The following IKZF2 variants were observed in gnomAD, a reference collection of about 807,000 sequenced individuals.
IKZF2 encodes the protein zinc finger protein Helios.
IKZF2 carries 15 observed loss-of-function variants against 49.2 expected under a neutral mutation model. The observed-to-expected ratio is 0.30, with a 90% CI of 0.20 to 0.47. The LOEUF (loss-of-function observed/expected upper bound fraction) is 0.47. Among genes scored for constraint, IKZF2 ranks in the 20% least tolerant of loss-of-function variants. The probability of loss-of-function intolerance (pLI) is 1.00; values close to 1 mark genes in which losing one functional copy is unlikely to be tolerated. For missense variants in IKZF2, 567 were observed against 664.6 expected, an observed-to-expected ratio of 0.85 and a Z score of 1.61; for synonymous variants, 227 against 221.4, an observed-to-expected ratio of 1.03 and a Z score of -0.23.
chr2:213,130,279 C>A (rs2060432349), intron 4 of IKZF2, among the ~76,000 whole-genome samples: 1 of 152,170 alleles, frequency 6.6e-6, no homozygotes, highest in Non-Finnish European at 1.5e-5. Context: ...AAGCTAGGGT[C>A]TCTCACAGGC....
chr2:213,111,172 T>C (rs1288886336), intron 4 of IKZF2, among the ~76,000 whole-genome samples: 1 of 152,058 alleles, frequency 6.6e-6, no homozygotes, highest in Non-Finnish European at 1.5e-5. Context: ...TTGAATTTTA[T>C]TAAAAAGAGC....
chr2:213,086,743 G>A (rs1282031465), intron 4 of IKZF2, among the ~76,000 whole-genome samples: 5 of 152,114 alleles, frequency 3.3e-5, no homozygotes, highest in Admixed American at 1.3e-4. Flanking sequence ...TTTTAGGAAT[G>A]GGTAAAGGAA....
rs186363141 is a variant in IKZF2 at position 213,045,086 on chromosome 2, C to T, written c.574+4627G>A. Among the ~76,000 whole-genome samples, 38 of 152,294 alleles carry T rather than the reference C, an allele frequency of 2.5e-4. No individual in the cohort carries two copies. In the East Asian group the frequency reaches 7.1e-3, roughly 29 times the overall value. On this transcript the variant is annotated intron_variant, in intron 6 of 8. Coordinates refer to ENST00000434687, the MANE Select transcript of IKZF2 (RefSeq NM_001387220.1). ...GGCTAGTGGCTACCATATTGGACAGCGTAGCCCTACAACTATCACCTCTCC... is the reference window on the plus strand; with the variant it reads ...GGCTAGTGGCTACCATATTGGACAGTGTAGCCCTACAACTATCACCTCTCC...
chr2:213,116,226 T>C (rs1559294027), intron 4 of IKZF2, among the ~76,000 whole-genome samples: 1 of 152,242 alleles, frequency 6.6e-6, no homozygotes, highest in Non-Finnish European at 1.5e-5. Context: ...AATTATAATG[T>C]ATGTATGTGC....
chr2:213,025,719 T>C (rs1697748850), intron 6 of IKZF2, among the ~76,000 whole-genome samples: 1 of 152,076 alleles, frequency 6.6e-6, no homozygotes, highest in Non-Finnish European at 1.5e-5. Flanking sequence ...ACATTCAAGA[T>C]ACCCAAAACT....
chr2:213,125,310 T>C (rs963979000), intron 4 of IKZF2, among the ~76,000 whole-genome samples: 7 of 152,316 alleles, frequency 4.6e-5, no homozygotes, highest in Non-Finnish European at 1.0e-4. Context: ...TAGTTCCTAA[T>C]AGAGTTTTTA....
chr2:213,054,527 A>G (rs1177633560), intron 5 of IKZF2, among the ~76,000 whole-genome samples: 3 of 152,174 alleles, frequency 2.0e-5, no homozygotes, highest in Admixed American at 1.3e-4. Flanking sequence ...ATGGCAGGAC[A>G]CACTCAGATG....
intron 5 of IKZF2, among the ~76,000 whole-genome samples, chr2:213,052,365 A>T (rs888655878): frequency 6.6e-6 from 1 of 151,998 alleles, no homozygotes; most frequent in Non-Finnish European, 1.5e-5. Flanking sequence ...TTTTTTGGTA[A>T]GAGAAAAGGG....
At chr2:213,135,424 C>A (rs2060620816) in intron 4 of IKZF2, among the ~76,000 whole-genome samples, 1 of 152,156 alleles carries the variant, frequency 6.6e-6, no homozygotes, top group Non-Finnish European at 1.5e-5. Context: ...TGGTGGCTCA[C>A]ACCTGTAAAC....
At chr2:213,107,774 C>T (rs1446921000) in intron 4 of IKZF2, among the ~76,000 whole-genome samples, 1 of 152,132 alleles carries the variant, frequency 6.6e-6, no homozygotes, top group Non-Finnish European at 1.5e-5. Context: ...AGATCTTAGG[C>T]CCTTCTTGAC....
chr2:213,038,125 A>G (rs1574577605), intron 6 of IKZF2, among the ~76,000 whole-genome samples: 1 of 151,646 alleles, frequency 6.6e-6, no homozygotes, highest in Non-Finnish European at 1.5e-5. Flanking sequence ...CAGTGGCAGG[A>G]TCTCTGTTCA....
At chr2:213,143,573 C>A (rs752577765) in intron 4 of IKZF2, among the ~76,000 whole-genome samples, 1 of 151,428 alleles carries the variant, frequency 6.6e-6, no homozygotes, top group South Asian at 2.1e-4. Context: ...CCCTAATAAA[C>A]AAGAACTAAA....
At chr2:213,061,555 A>C (rs992079703) in intron 4 of IKZF2, among the ~76,000 whole-genome samples, 2 of 151,510 alleles carry the variant, frequency 1.3e-5, no homozygotes, top group African/African-American at 4.8e-5. Flanking sequence ...AATAAAATGC[A>C]CAACAGTCAT....
At chr2:213,094,482 C>T (rs1221126285) in intron 4 of IKZF2, among the ~76,000 whole-genome samples, 2 of 152,018 alleles carry the variant, frequency 1.3e-5, no homozygotes, top group Non-Finnish European at 2.9e-5. Flanking sequence ...GCACTGACAC[C>T]AGGGTACCAT....
intron 4 of IKZF2, among the ~76,000 whole-genome samples, chr2:213,096,914 G>A (rs1439437005): frequency 6.6e-6 from 1 of 151,788 alleles, no homozygotes; most frequent in African/African-American, 2.4e-5. Flanking sequence ...TTTATAATAT[G>A]GTGAGTAAAA....
intron 6 of IKZF2, among the ~76,000 whole-genome samples, chr2:213,027,353 T>C (rs1400670962): frequency 1.3e-5 from 2 of 152,140 alleles, no homozygotes; most frequent in Non-Finnish European, 2.9e-5. Flanking sequence ...TTACATTTCC[T>C]TTTTTGTGCA....
At chr2:213,124,249 C>CGT (rs1274298205) in intron 4 of IKZF2, among the ~76,000 whole-genome samples, 5 of 100,624 alleles carry the variant, frequency 5.0e-5, no homozygotes, top group South Asian at 3.5e-4. Flanking sequence ...CTCGCGCGCG[C>CGT]GCGCACACAC....
intron 4 of IKZF2, among the ~76,000 whole-genome samples, chr2:213,142,289 A>C (rs2060902026): frequency 6.6e-6 from 1 of 151,878 alleles, no homozygotes; most frequent in South Asian, 2.1e-4. Flanking sequence ...ATCTTCATAG[A>C]TGCTTTAAAT....
In IKZF2 at chr2:213,142,537, A is replaced by G. The variant is rs186613062; in HGVS notation, c.139+5171T>C. Among the ~76,000 whole-genome samples, 32 of 152,108 alleles carry G rather than the reference A, an allele frequency of 2.1e-4. 1 individual carries two copies. The East Asian group carries it at 6.0e-3, about 28-fold the overall frequency. On this transcript the variant is annotated intron_variant, in intron 4 of 8. Coordinates refer to ENST00000434687, the MANE Select transcript of IKZF2 (RefSeq NM_001387220.1). Reference sequence around the variant, plus strand: ...TTAGCATGTGCCAGAAGTTGTGCTGAGCATTTTGCATGTATTGCCTTATTG... The same window carrying G: ...TTAGCATGTGCCAGAAGTTGTGCTGGGCATTTTGCATGTATTGCCTTATTG...
Sources: allele counts gnomAD v4.1 joint callset (sites outside exome capture counted in the v4.1 genomes callset), GRCh38; gene constraint gnomAD v4.1.1; transcripts MANE v1.5; gene names NCBI Gene and HGNC (gene_info 2026-07-23, HGNC 2026-07-21).